Variants in ZZEF1 observed in about 807,000 individuals in gnomAD.
ZZEF1 encodes zinc finger ZZ-type and EF-hand domain containing 1, also known as zinc finger ZZ-type and EF-hand domain-containing protein 1.
In ZZEF1, 157 loss-of-function variants were observed where a neutral mutation model predicts 342.8. The ratio of observed to expected loss-of-function variants is 0.46; its 90% CI spans 0.40 to 0.52. The LOEUF is 0.52. Ranked by LOEUF, ZZEF1 falls within the 20% of genes least tolerant of loss-of-function variation. ZZEF1 has a pLI of 0.00. For missense variants in ZZEF1, 3,480 were observed against 3,725.6 expected, an observed-to-expected ratio of 0.93 and a Z score of 1.72; for synonymous variants, 1,505 against 1,429.1, an observed-to-expected ratio of 1.05 and a Z score of -1.20.
At chr17:4,090,625 G>T in intron 12 of ZZEF1, 94 bp downstream of exon 12, 2 of 969,770 alleles carry the variant, frequency 2.1e-6, no homozygotes, top group South Asian at 2.7e-5. Flanking sequence ...TCGCCTCTGG[G>T]GTTGTAGCAT....
Position 4,008,735 on chromosome 17 carries a change from GA to G in ZZEF1, c.8805+147del, listed in dbSNP as rs1302954901. On this transcript the variant is annotated intron_variant, in intron 54 of 54. Coordinates refer to ENST00000381638, the MANE Select transcript of ZZEF1 (RefSeq NM_015113.4). The surrounding 1 kb of genome is among the most constrained non-coding windows in gnomAD (Gnocchi z 4.2). Reference sequence around the variant, plus strand: ...GTGCATGCTCTCTGAGCACCAGGAGGAAGTGACTGAACTGGAACAAGCTCTG... The same window carrying G: ...GTGCATGCTCTCTGAGCACCAGGAGGAGTGACTGAACTGGAACAAGCTCTG... 7.0e-7 allele frequency: 1 copy of G among 1,422,388 alleles called. No homozygotes were observed. Among genetic ancestry groups the G allele is most frequent in the Non-Finnish European group, 9.2e-7 (1 of 1,086,654 alleles). 88.1% of individuals were successfully genotyped at this position (1,422,388 alleles called of 1,614,324 possible).
At chr17:4,071,028 C>T in intron 25 of ZZEF1, 104 bp from the exon 26 acceptor site, 2 of 1,338,604 alleles carry the variant, frequency 1.5e-6, no homozygotes, top group Non-Finnish European at 2.0e-6. Flanking sequence ...ACACAGTGAA[C>T]ACTCTCCGGA....
intron 37 of ZZEF1, among the ~76,000 whole-genome samples, chr17:4,045,733 C>T (rs940174872): frequency 2.6e-5 from 4 of 152,110 alleles, no homozygotes; most frequent in Admixed American, 6.6e-5. Flanking sequence ...CAAACAAAAC[C>T]GGATGCTACT....
chr17:4,022,887 A>G, intron 43 of ZZEF1, 59 bp from the exon 44 acceptor site: 1 of 1,592,338 alleles, frequency 6.3e-7, no homozygotes, highest in East Asian at 2.2e-5. Flanking sequence ...GTACAACCTT[A>G]GCTGTAACTC....
At position 4,099,028 on chromosome 17, in the gene ZZEF1, G is replaced by A. The variant is rs140681005; in HGVS notation, c.1673-2328C>T. On this transcript the variant is annotated intron_variant, in intron 9 of 54. Coordinates refer to ENST00000381638, the MANE Select transcript of ZZEF1 (RefSeq NM_015113.4). The stretch of plus-strand genomic sequence containing the variant: ...GTTAAGTGATAAATCAGCAATTTTA[G>A]TTAGTCTCAATGTAGTAGCAGAAGC... Among the ~76,000 whole-genome samples the A allele has an allele frequency of 1.1e-4, 16 of 152,210 alleles. No individual in the cohort carries two copies. The East Asian group carries it at 3.1e-3, about 29-fold the overall frequency.
At chr17:4,084,968 C>T (rs1175487063) in intron 16 of ZZEF1, among the ~76,000 whole-genome samples, 1 of 152,028 alleles carries the variant, frequency 6.6e-6, no homozygotes, top group Non-Finnish European at 1.5e-5. Context: ...AAAAATTAGC[C>T]AGGCGTGGTG....
At chr17:4,133,407 C>T (rs1228188563) in intron 1 of ZZEF1, among the ~76,000 whole-genome samples, 1 of 152,166 alleles carries the variant, frequency 6.6e-6, no homozygotes, top group Admixed American at 6.5e-5. Flanking sequence ...ACTCCCTTCC[C>T]CTTCCTTTGA....
intron 44 of ZZEF1, 27 bp from the exon 45 acceptor site, chr17:4,021,347 T>C: frequency 6.4e-7 from 1 of 1,569,378 alleles, no homozygotes; most frequent in East Asian, 2.3e-5. Context: ...TCCAGCTGAA[T>C]GTGAGCACTC....
In ZZEF1 at chr17:4,117,147, T is replaced by C. The variant is rs1428362466; in HGVS notation, c.519A>G (p.Ser173=). 1 of 1,612,606 alleles carries C rather than the reference T, an allele frequency of 6.2e-7. No individual in the cohort carries two copies. Among genetic ancestry groups the C allele is most frequent in the Non-Finnish European group, 8.5e-7 (1 of 1,179,110 alleles). ...GAATATCAAGGCCCTCCTTCGACTC[T>C]GAAAATATGTCTGTGAAACCTAAAC... is the stretch of plus-strand genomic sequence containing the variant. The part of the protein sequence containing the change: ...SLVPGFTDIF[S]ESKEGLDIHS... Residue 173 remains serine, a synonymous_variant, in exon 3 of 55, where the codon TCA becomes TCG. Coordinates refer to ENST00000381638, the MANE Select transcript of ZZEF1 (RefSeq NM_015113.4).
At position 4,054,233 on chromosome 17, in the gene ZZEF1, T is replaced by C. The variant is rs1220967025; in HGVS notation, c.5296-38A>G. 10 of 1,591,192 alleles carry C rather than the reference T, an allele frequency of 6.3e-6. No individual in the cohort carries two copies. The African/African-American group carries it at 1.3e-4, about 21-fold the overall frequency. On this transcript the variant is annotated intron_variant, in intron 33 of 54. Coordinates refer to ENST00000381638, the MANE Select transcript of ZZEF1 (RefSeq NM_015113.4). ...ACATATACAATTAACTGATAGATTT[T>C]CTAAGGTGGCCACAATTCACTAATC... is the stretch of plus-strand genomic sequence containing the variant.
chr17:4,053,658 G>C (rs968197355), intron 34 of ZZEF1, among the ~76,000 whole-genome samples: 2 of 152,210 alleles, frequency 1.3e-5, no homozygotes, highest in Non-Finnish European at 2.9e-5. Context: ...GCACTACTGT[G>C]CATCTGTTTT....
rs367698253 is a variant in ZZEF1 at position 4,090,704 on chromosome 17, C to T, written c.2025+15G>A. ...TAAAAGGAGGGGAGTGGGCAAACGA[C>T]GCACTAATGCTTACTTTGGCAACTC... On this transcript the variant is annotated intron_variant, in intron 12 of 54. Coordinates refer to ENST00000381638, the MANE Select transcript of ZZEF1 (RefSeq NM_015113.4). The T allele has an allele frequency of 3.7e-5, 59 of 1,601,404 alleles. No individual in the cohort carries two copies. The highest frequency in any genetic ancestry group is 3.3e-4 in the Middle Eastern group (2 of 6,068).
intron 42 of ZZEF1, among the ~76,000 whole-genome samples, chr17:4,027,655 A>T (rs1287113357): frequency 6.9e-6 from 1 of 144,418 alleles, no homozygotes; most frequent in Non-Finnish European, 1.5e-5. Flanking sequence ...GCTACAGTGC[A>T]GTGGCATGAT....
At chr17:4,076,613 G>A (rs8065054) in intron 21 of ZZEF1, 24 bp downstream of exon 21, 214,825 of 1,595,170 alleles carry the variant, frequency 0.13, 15,432 homozygotes, top group African/African-American at 0.2. Flanking sequence ...AACACGGGGC[G>A]GCTCAAGTGC....
At chr17:4,070,109 G>C (rs1168077274) in intron 26 of ZZEF1, among the ~76,000 whole-genome samples, 1 of 152,202 alleles carries the variant, frequency 6.6e-6, no homozygotes, top group Non-Finnish European at 1.5e-5. Context: ...ATGAGGAAAA[G>C]AGATGGTGAG....
At position 4,072,726 on chromosome 17, in the gene ZZEF1, G is replaced by C. The variant is rs548051084; in HGVS notation, c.3716C>G (p.Ala1239Gly). The C allele has an allele frequency of 6.2e-7, 1 of 1,613,420 alleles. No homozygotes were observed. Among genetic ancestry groups the C allele is most frequent in the South Asian group, 1.1e-5 (1 of 90,992 alleles). Residue 1239 changes from alanine to glycine, a missense_variant, in exon 25 of 55, where the codon GCA (alanine) becomes GGA (glycine). This residue lies in a region of ZZEF1 where 1,528 missense variants were observed against 1,624.1 expected (regional missense o/e 0.94). Coordinates refer to ENST00000381638, the MANE Select transcript of ZZEF1 (RefSeq NM_015113.4). ...GGAGCTTAGGACTAATGCCATTTTT[G>C]CCTGAGGTACTACCATGTTACTTCC... ...QLGSNMVVPQ[A>G]KMALVLSSPL...
At chr17:4,047,863 C>T (rs1406192498) in intron 37 of ZZEF1, among the ~76,000 whole-genome samples, 1 of 149,850 alleles carries the variant, frequency 6.7e-6, no homozygotes, top group Non-Finnish European at 1.5e-5. Context: ...ATCATTGGAG[C>T]CCAGGAGGTG....
At position 4,017,743 on chromosome 17, in the gene ZZEF1, GACC is replaced by G. The variant is rs756020954; in HGVS notation, c.7642-16_7642-14del. On this transcript the variant is annotated splice_polypyrimidine_tract_variant and intron_variant, in intron 47 of 54. Transcript: ENST00000381638. The surrounding 1 kb of genome is among the most constrained non-coding windows in gnomAD (Gnocchi z 5.1). ...GTGCAGGCCGGGACTGCAAACCCAAGACCACCATTACAGAGGTCTAGCCTTCTT... is the reference window on the plus strand; with the variant it reads ...GTGCAGGCCGGGACTGCAAACCCAAGACCATTACAGAGGTCTAGCCTTCTT... 34 of 1,611,162 alleles carry G rather than the reference GACC, an allele frequency of 2.1e-5. No homozygotes were observed. The South Asian group carries it at 3.1e-4, about 15-fold the overall frequency.
intron 42 of ZZEF1, among the ~76,000 whole-genome samples, chr17:4,027,488 T>C (rs2056437368): frequency 6.6e-6 from 1 of 151,662 alleles, no homozygotes; most frequent in African/African-American, 2.4e-5. Context: ...AGAGACGGGG[T>C]TTCACCATGT....
Sources: gnomAD v4.1 joint callset for allele counts (sites outside exome capture counted in the v4.1 genomes callset) on GRCh38, gnomAD v4.1.1 for gene constraint, gnomAD v4.1.1 regional missense constraint, Gnocchi (gnomAD v3.1) non-coding constraint, MANE v1.5 for transcripts, NCBI Gene and HGNC (gene_info 2026-07-23, HGNC 2026-07-21) for gene names.